HRAS: variants seen among roughly 807,000 people sequenced by gnomAD.
HRAS encodes the protein HRas proto-oncogene, GTPase, also known as GTPase HRas.
Under a neutral mutation model 19.8 loss-of-function variants are expected in HRAS, and 11 were observed. The ratio of observed to expected loss-of-function variants is 0.55; its 90% CI spans 0.35 to 0.92. The LOEUF (loss-of-function observed/expected upper bound fraction) is 0.92. HRAS is among the 40% of genes least tolerant of loss of function. HRAS has a pLI of 0.01. For missense variants in HRAS, 204 were observed against 255.9 expected, an observed-to-expected ratio of 0.80 and a Z score of 1.38; for synonymous variants, 149 against 105.5, an observed-to-expected ratio of 1.41 and a Z score of -2.52.
At chr11:533,351 C>T (rs778477904) in intron 4 of HRAS, 102 bp downstream of exon 4, 6 of 1,604,606 alleles carry the variant, frequency 3.7e-6, no homozygotes, top group East Asian at 2.2e-5. Flanking sequence ...AGAGCCAGAG[C>T]GGCTGCCCTG....
At chr11:533,660 G>C (rs372806727) in intron 3 of HRAS, 48 bp from the exon 4 acceptor site, 3 of 1,612,528 alleles carry the variant, frequency 1.9e-6, no homozygotes, top group African/African-American at 1.3e-5. Context: ...CAGGCGCAGC[G>C]GCATCCAGGA....
At chr11:533,970 C>G in intron 2 of HRAS, 26 bp from the exon 3 acceptor site, 1 of 1,605,428 alleles carries the variant, frequency 6.2e-7, no homozygotes, top group Non-Finnish European at 8.5e-7. Flanking sequence ...GCTCAGGGAC[C>G]CCCTCAGGAC....
rs763872424 is a variant in HRAS, at chr11:532,764, G to C, written c.451-9C>G. On this transcript the variant is annotated splice_polypyrimidine_tract_variant and intron_variant, in intron 4 of 5. Coordinates refer to ENST00000311189, the MANE Select transcript of HRAS (RefSeq NM_005343.4). ...AAGGCATCCTCCACTCCCTGGGAAA[G>C]GAGGGATGGGATCAGGAGGGACCGG... 2.5e-6 allele frequency: 4 copies of C among 1,612,070 alleles called. No individual in the cohort carries two copies. In the South Asian group the frequency reaches 3.3e-5, roughly 13 times the overall value.
At position 533,909 on chromosome 11, in the gene HRAS, C is replaced by T. The variant is rs2133991462; in HGVS notation, c.147G>A (p.Glu49=). 6.2e-7 allele frequency: 1 copy of T among 1,613,110 alleles called. No individual in the cohort carries two copies. The highest frequency in any genetic ancestry group is 8.5e-7 in the Non-Finnish European group (1 of 1,179,996). The stretch of plus-strand genomic sequence containing the variant: ...TATCCAGGATGTCCAACAGGCACGT[C>T]TCCCCATCAATGACCACCTGCTTCC... ...SYRKQVVIDG[E]TCLLDILDTA... Residue 49 remains glutamate, a synonymous_variant, in exon 3 of 6, where the codon GAG becomes GAA. Coordinates refer to ENST00000311189, the MANE Select transcript of HRAS (RefSeq NM_005343.4).
chr11:533,757 G>C lies in HRAS; in HGVS notation c.290+9C>G, dbSNP rs747854581. 7.4e-6 allele frequency: 12 copies of C among 1,613,042 alleles called. No homozygotes were observed. Among genetic ancestry groups the C allele is most frequent in the Middle Eastern group, 1.6e-4 (1 of 6,084 alleles). ...GCGTGGGCTCCCGGGCCAGCCTCAC[G>C]GGGTTCACCTGTACTGGTGGATGTC... On this transcript the variant is annotated intron_variant, in intron 3 of 5. Transcript: ENST00000311189.
chr11:533,998 C>G (rs1172872020), intron 2 of HRAS, 54 bp from the exon 3 acceptor site: 1 of 1,574,784 alleles, frequency 6.4e-7, no homozygotes, highest in East Asian at 2.2e-5. Context: ...GGGGGGAGTT[C>G]ACACAGCCAG....
At chr11:532,610 C>T (rs750725731) in intron 5 of HRAS, 21 bp downstream of exon 5, 11 of 1,603,950 alleles carry the variant, frequency 6.9e-6, no homozygotes, top group East Asian at 4.5e-5. Flanking sequence ...GCGTGGCGGC[C>T]GCCCTGGGAG....
At chr11:532,578 G>A in intron 5 of HRAS, 53 bp downstream of exon 5, 2 of 1,579,130 alleles carry the variant, frequency 1.3e-6, no homozygotes, top group East Asian at 4.6e-5. Flanking sequence ...GGCAGGGGCG[G>A]GGAGCCGGGG....
intron 1 of HRAS, among the ~76,000 whole-genome samples, chr11:534,790 G>A (rs953760762): frequency 6.6e-6 from 1 of 152,184 alleles, no homozygotes; most frequent in Non-Finnish European, 1.5e-5. Context: ...TGCAGGCCCC[G>A]CGGCGCTGGT....
intron 4 of HRAS, 47 bp downstream of exon 4, chr11:533,406 G>T: frequency 6.2e-7 from 1 of 1,608,174 alleles, no homozygotes; most frequent in South Asian, 1.1e-5. Flanking sequence ...GGCTGGGGCG[G>T]GGCGGGGCGG....
intron 1 of HRAS, among the ~76,000 whole-genome samples, chr11:534,962 C>T (rs1851371590): frequency 6.6e-6 from 1 of 152,200 alleles, no homozygotes; most frequent in Admixed American, 6.5e-5. Flanking sequence ...AGGGACTGAG[C>T]GACAGGAAGG....
chr11:535,152 G>A (rs1229361383), intron 1 of HRAS: 1 of 152,090 alleles, frequency 6.6e-6, no homozygotes, highest in Non-Finnish European at 1.5e-5. Context: ...GGGTACGCCG[G>A]CGTGGGGACC....
rs2133989925 is a variant in HRAS, at chr11:533,780, G to A, written c.276C>T (p.Asp92=). The A allele has an allele frequency of 6.2e-7, 1 of 1,613,340 alleles. No homozygotes were observed. Among genetic ancestry groups the A allele is most frequent in the South Asian group, 1.1e-5 (1 of 91,088 alleles). The change falls in exon 3 of 6, where the codon GAC becomes GAT. Residue 92 remains aspartate (D), a synonymous_variant. Transcript: ENST00000311189. ...FAINNTKSFE[D]IHQYREQIKR... is the part of the protein sequence containing the mutation. ...ACGGGGTTCACCTGTACTGGTGGATGTCCTCAAAAGACTTGGTGTTGTTGA... is the reference window on the plus strand; with the variant it reads ...ACGGGGTTCACCTGTACTGGTGGATATCCTCAAAAGACTTGGTGTTGTTGA...
In HRAS at chr11:533,513, A is replaced by G. The variant is rs2133986915; in HGVS notation, c.390T>C (p.Ala130=). 2 of 1,613,558 alleles carry G rather than the reference A, an allele frequency of 1.2e-6. No homozygotes were observed. The highest frequency in any genetic ancestry group is 1.7e-6 in the Non-Finnish European group (2 of 1,179,974). Residue 130 remains alanine (A), a synonymous_variant, in exon 4 of 6, where the codon GCT becomes GCC. Transcript: ENST00000311189. ...TGCCGTAGCTTCGGGCGAGGTCCTG[A>G]GCCTGCCGAGATTCCACAGTGCGTG... ...LAARTVESRQ[A]QDLARSYGIP... is the part of the protein sequence containing the mutation.
Position 533,811 on chromosome 11 carries a change from A to AAC in HRAS, c.243_244dup (p.Phe82CysfsTer23). 6.2e-7 allele frequency: 1 copy of AAC among 1,613,332 alleles called. No individual in the cohort carries two copies. Among genetic ancestry groups the AAC allele is most frequent in the South Asian group, 1.1e-5 (1 of 91,088 alleles). The stretch of plus-strand genomic sequence containing the variant: ...AAAAGACTTGGTGTTGTTGATGGCA[A>AAC]ACACACACAGGAAGCCCTCCCCGGT... On this transcript the variant is annotated frameshift_variant, in exon 3 of 6. Coordinates refer to ENST00000311189, the MANE Select transcript of HRAS (RefSeq NM_005343.4). LOFTEE classifies it high-confidence loss of function.
Position 534,297 on chromosome 11 carries a change from A to G in HRAS, c.26T>C (p.Val9Ala). The G allele has an allele frequency of 2.5e-6, 4 of 1,612,518 alleles. No individual in the cohort carries two copies. MTEYKLVVVGAGGVGKSAL... is the reference protein window; with the variant it reads MTEYKLVVAGAGGVGKSAL... ...ACTCTTGCCCACACCGCCGGCGCCC[A>G]CCACCACCAGCTTATATTCCGTCAT... Residue 9 changes from valine (V) to alanine (A), a missense_variant, in exon 2 of 6, where the codon GTG becomes GCG. Physicochemically the swap from Val to Ala is moderately conservative, Grantham distance 64. Transcript: ENST00000311189.
At chr11:533,430 T>C (rs1391525568) in intron 4 of HRAS, 23 bp downstream of exon 4, 1 of 1,611,692 alleles carries the variant, frequency 6.2e-7, no homozygotes, top group South Asian at 1.1e-5. Flanking sequence ...CCTGGCTAGC[T>C]GTGGGGTGGA....
intron 4 of HRAS, 197 bp downstream of exon 4, chr11:533,256 C>T (rs768663236): frequency 6.4e-7 from 1 of 1,559,260 alleles, no homozygotes; most frequent in Non-Finnish European, 8.6e-7. Context: ...CCTCACTGCC[C>T]TGCCGTCCCG....
intron 4 of HRAS, among the ~76,000 whole-genome samples, chr11:533,070 A>G (rs922244905): frequency 6.6e-6 from 1 of 152,136 alleles, no homozygotes; most frequent in Admixed American, 6.5e-5. Context: ...CAGTAGCCCC[A>G]CTAAGACTCA....
Sources: gnomAD v4.1 joint callset for allele counts (sites outside exome capture counted in the v4.1 genomes callset) on GRCh38, gnomAD v4.1.1 for gene constraint, MANE v1.5 for transcripts, NCBI Gene and HGNC (gene_info 2026-07-23, HGNC 2026-07-21) for gene names.